Variants in CNTN5 observed in about 807,000 individuals in gnomAD.
The protein encoded by CNTN5 is contactin-5.
A neutral mutation model predicts 129.1 loss-of-function variants in CNTN5; 77 were observed. That is an observed-to-expected ratio of 0.60 (90% CI 0.50 to 0.72). The LOEUF (loss-of-function observed/expected upper bound fraction) is 0.72, where lower values mean the gene tolerates loss of function less well. Ranked by LOEUF, CNTN5 falls within the 30% of genes least tolerant of loss-of-function variation. CNTN5 has a pLI of 0.00. For missense variants in CNTN5, 1,478 were observed against 1,328.8 expected (o/e 1.11, Z -1.75); for synonymous variants, 509 against 465.6 (o/e 1.09, Z -1.20).
chr11:100,115,652 C>A (rs1345854252), intron 13 of CNTN5, among the ~76,000 whole-genome samples: 1 of 151,888 alleles, frequency 6.6e-6, no homozygotes, highest in African/African-American at 2.4e-5. Flanking sequence ...AGACCATATG[C>A]TCAGTTTATA....
intron 1 of CNTN5, among the ~76,000 whole-genome samples, chr11:99,099,453 T>G (rs1455343526): frequency 2.0e-5 from 3 of 152,046 alleles, no homozygotes; most frequent in African/African-American, 7.2e-5. Flanking sequence ...TATGAACAAA[T>G]TTATAGATAA....
intron 13 of CNTN5, among the ~76,000 whole-genome samples, chr11:100,149,799 G>T (rs935547048): frequency 2.0e-5 from 3 of 151,172 alleles, no homozygotes; most frequent in Non-Finnish European, 1.5e-5. Context: ...GGAGGCTGAG[G>T]CAGAAGAATG....
chr11:99,366,920 G>T (rs1939482438), intron 2 of CNTN5, among the ~76,000 whole-genome samples: 1 of 152,188 alleles, frequency 6.6e-6, no homozygotes, highest in Non-Finnish European at 1.5e-5. Context: ...TGCCTTTGCA[G>T]TTAACAAGTG....
chr11:100,299,203 TATTG>T lies in CNTN5; in HGVS notation c.2428_2431del (p.Ile810TrpfsTer16). 6.2e-7 allele frequency: 1 copy of T among 1,609,678 alleles called. No individual in the cohort carries two copies. The highest frequency in any genetic ancestry group is 8.5e-7 in the Non-Finnish European group (1 of 1,177,160). ...TTCAGAATGGGGAAGGCTTCGGCTA[TATTG>T]TGGCTTTCAGACCCAATGGAACACG... On this transcript the variant is annotated frameshift_variant, in exon 20 of 25. Coordinates refer to ENST00000524871, the MANE Select transcript of CNTN5 (RefSeq NM_014361.4). LOFTEE classifies it high-confidence loss of function.
chr11:99,329,405 CA>C (rs1210263975), intron 2 of CNTN5, among the ~76,000 whole-genome samples: 9 of 152,130 alleles, frequency 5.9e-5, no homozygotes, highest in Non-Finnish European at 1.3e-4. Context: ...CTCATGGAAA[CA>C]GAGGAAATAT....
chr11:100,087,130 G>A (rs1207070868), intron 13 of CNTN5, among the ~76,000 whole-genome samples: 2 of 150,934 alleles, frequency 1.3e-5, no homozygotes, highest in Non-Finnish European at 3.0e-5. Context: ...CTAAAATCAA[G>A]AAAAGAGCTA....
chr11:100,061,414 A>T (rs3758923), intron 10 of CNTN5, 21 bp downstream of exon 10: 121,009 of 1,516,782 alleles, frequency 0.08, 5,355 homozygotes, highest in East Asian at 0.18. Context: ...TCAGCAAAGC[A>T]TGATTGCTCT....
intron 3 of CNTN5, among the ~76,000 whole-genome samples, chr11:99,740,318 G>A (rs572477345): frequency 3.7e-4 from 56 of 152,264 alleles, no homozygotes; most frequent in African/African-American, 1.3e-3. Flanking sequence ...AAACCCCAGA[G>A]TAGTTGCATG....
intron 3 of CNTN5, among the ~76,000 whole-genome samples, chr11:99,750,546 T>TAAA (rs148259432): frequency 0.014 from 1,988 of 142,504 alleles, 40 homozygotes; most frequent in African/African-American, 0.047. Flanking sequence ...GAGTGGTAGC[T>TAAA]AAAAAAAAAA....
intron 13 of CNTN5, among the ~76,000 whole-genome samples, chr11:100,133,400 T>G (rs568280458): frequency 1.4e-4 from 21 of 152,144 alleles, no homozygotes; most frequent in Admixed American, 2.6e-4. Flanking sequence ...TATTTAATTT[T>G]TGTTCTCTTG....
chr11:99,763,201 G>A (rs1433344191), intron 3 of CNTN5, among the ~76,000 whole-genome samples: 2 of 151,966 alleles, frequency 1.3e-5, no homozygotes, highest in Non-Finnish European at 2.9e-5. Flanking sequence ...ATGTGTATCA[G>A]TTTTTCACTT....
At chr11:99,052,153 T>C (rs1864451876) in intron 1 of CNTN5, among the ~76,000 whole-genome samples, 1 of 151,970 alleles carries the variant, frequency 6.6e-6, no homozygotes, top group East Asian at 1.9e-4. Context: ...GTAAGGATAT[T>C]GTATGCATGT....
intron 7 of CNTN5, among the ~76,000 whole-genome samples, chr11:99,941,430 T>A (rs1950432708): frequency 6.6e-6 from 1 of 152,070 alleles, no homozygotes; most frequent in Non-Finnish European, 1.5e-5. Flanking sequence ...CAAAAATTAT[T>A]TATTGTGTAC....
At chr11:99,363,950 G>A (rs1939288197) in intron 2 of CNTN5, among the ~76,000 whole-genome samples, 2 of 152,038 alleles carry the variant, frequency 1.3e-5, no homozygotes, top group Admixed American at 6.6e-5. Context: ...CAAATAATTA[G>A]AGTGTAATTA....
At position 100,100,137 on chromosome 11, in the gene CNTN5, A is replaced by C. The variant is rs548237258; in HGVS notation, c.1580+25843A>C. Among the ~76,000 whole-genome samples, 6 of 152,200 alleles carry C rather than the reference A, an allele frequency of 3.9e-5. No individual in the cohort carries two copies. In the East Asian group the frequency reaches 5.8e-4, roughly 15 times the overall value. On this transcript the variant is annotated intron_variant, in intron 13 of 24. Transcript: ENST00000524871. ...GGGTTTTAATTGGCTGCAGTTTCCA[A>C]AGCTAAATGATTAGTTTCAAAAAGA...
rs113841208 is a variant in CNTN5 at position 99,981,910 on chromosome 11, AAATT to A, written c.878-20122_878-20119del. Among the ~76,000 whole-genome samples, 164 of 152,320 alleles carry A rather than the reference AAATT, an allele frequency of 1.1e-3. 2 individuals carry two copies. The highest frequency in any genetic ancestry group is 3.6e-3 in the African/African-American group (150 of 41,582). Reference sequence around the variant, plus strand: ...GTGAGATGAGGCTCTAGTTAACAATAAATTATCTCATTAGAGAAACAAAATTGCA... The same window carrying A: ...GTGAGATGAGGCTCTAGTTAACAATAATCTCATTAGAGAAACAAAATTGCA... On this transcript the variant is annotated intron_variant, in intron 8 of 24. Transcript: ENST00000524871.
intron 6 of CNTN5, among the ~76,000 whole-genome samples, chr11:99,884,063 C>T (rs1490409156): frequency 2.0e-5 from 3 of 152,104 alleles, no homozygotes; most frequent in Non-Finnish European, 4.4e-5. Context: ...CTGTAACGGC[C>T]CCCAAACAGA....
intron 1 of CNTN5, among the ~76,000 whole-genome samples, chr11:99,085,835 C>G (rs1305170799): frequency 6.6e-6 from 1 of 152,112 alleles, no homozygotes; most frequent in African/African-American, 2.4e-5. Context: ...AAAAATTCCC[C>G]CCTCCTAGTG....
At chr11:100,074,092 A>C in intron 12 of CNTN5, 52 bp from the exon 13 acceptor site, 37 of 1,517,580 alleles carry the variant, frequency 2.4e-5, no homozygotes, top group Non-Finnish European at 3.1e-5. Context: ...ATCACCCATT[A>C]GAGATTATTG....
Sources: gnomAD v4.1 joint callset for allele counts (sites outside exome capture counted in the v4.1 genomes callset) on GRCh38, gnomAD v4.1.1 for gene constraint, MANE v1.5 for transcripts, NCBI Gene and HGNC (gene_info 2026-07-23, HGNC 2026-07-21) for gene names.